Variants in MAPKAP1 observed in about 807,000 individuals in gnomAD.
MAPKAP1 encodes the protein MAPK associated protein 1, also known as target of rapamycin complex 2 subunit MAPKAP1.
MAPKAP1 carries 20 observed loss-of-function variants against 65.7 expected under a neutral mutation model. The observed-to-expected ratio is 0.30, with a 90% CI of 0.21 to 0.44. The LOEUF is 0.44. MAPKAP1 is among the 20% of genes least tolerant of loss of function. MAPKAP1 has a pLI of 1.00. For synonymous variants in MAPKAP1, 222 were observed against 244.3 expected (o/e 0.91, Z 0.85); for missense variants, 423 against 648.0 (o/e 0.65, Z 3.77).
intron 1 of MAPKAP1, among the ~76,000 whole-genome samples, chr9:125,682,959 C>CT (rs5900668): frequency 8.9e-4 from 122 of 137,544 alleles, no homozygotes; most frequent in South Asian, 9.5e-4. Flanking sequence ...ATTTTAAATT[C>CT]TTTTTTTTTT....
At chr9:125,685,138 AAAC>A (rs1834937612) in intron 1 of MAPKAP1, among the ~76,000 whole-genome samples, 2 of 152,084 alleles carry the variant, frequency 1.3e-5, no homozygotes, top group Non-Finnish European at 2.9e-5. Context: ...TAGATGCAGA[AAAC>A]ACAGCAGAGA....
chr9:125,631,096 CAAA>C (rs368052139), intron 4 of MAPKAP1, among the ~76,000 whole-genome samples: 5 of 115,368 alleles, frequency 4.3e-5, no homozygotes, highest in African/African-American at 6.4e-5. Context: ...GATCCTGTCT[CAAA>C]AAAAAAAAAA....
intron 1 of MAPKAP1, among the ~76,000 whole-genome samples, chr9:125,696,969 G>A (rs1835405569): frequency 6.6e-6 from 1 of 152,170 alleles, no homozygotes; most frequent in Admixed American, 6.5e-5. Context: ...CAACTCCACA[G>A]AGATAGGAGT....
chr9:125,695,442 T>C (rs748922930), intron 1 of MAPKAP1, among the ~76,000 whole-genome samples: 6 of 152,240 alleles, frequency 3.9e-5, no homozygotes, highest in Non-Finnish European at 8.8e-5. Context: ...TCAGCTGTCA[T>C]TGCAAAGAGT....
intron 1 of MAPKAP1, among the ~76,000 whole-genome samples, chr9:125,700,818 G>C (rs1835573215): frequency 6.6e-6 from 1 of 152,032 alleles, no homozygotes; most frequent in African/African-American, 2.4e-5. Flanking sequence ...GTGAAAGCTG[G>C]GTATTAAAAT....
In MAPKAP1 at chr9:125,672,475, G is replaced by C; in HGVS notation, c.100C>G (p.His34Asp). 1 of 1,614,136 alleles carries C rather than the reference G, an allele frequency of 6.2e-7. No individual in the cohort carries two copies. The highest frequency in any genetic ancestry group is 1.6e-4 in the Middle Eastern group (1 of 6,062). ...TGMCEMVLIDHDVDLEKIHPP... is the reference protein window; with the variant it reads ...TGMCEMVLIDDDVDLEKIHPP... ...TGAATCTTCTCTAGGTCAACATCAT[G>C]ATCAATGAGAACCATCTCACACATT... Residue 34 changes from histidine to aspartate, a missense_variant, in exon 2 of 12, where the codon CAT becomes GAT. This residue lies in a region of MAPKAP1 where 58 missense variants were observed against 56.9 expected (regional missense o/e 1.02). Coordinates refer to ENST00000265960, the MANE Select transcript of MAPKAP1 (RefSeq NM_001006617.3).
chr9:125,619,616 G>C (rs1832840285), intron 4 of MAPKAP1, among the ~76,000 whole-genome samples: 1 of 151,920 alleles, frequency 6.6e-6, no homozygotes, highest in African/African-American at 2.4e-5. Flanking sequence ...TTAACAGAGA[G>C]AAATCAGGAA....
chr9:125,462,182 G>C (rs1853521817), intron 10 of MAPKAP1, among the ~76,000 whole-genome samples: 1 of 152,190 alleles, frequency 6.6e-6, no homozygotes, highest in Admixed American at 6.5e-5. Flanking sequence ...AAGAAATCAG[G>C]TGGCGAGGAT....
chr9:125,469,923 G>A (rs959159178), intron 9 of MAPKAP1, among the ~76,000 whole-genome samples: 10 of 152,108 alleles, frequency 6.6e-5, no homozygotes, highest in African/African-American at 4.8e-5. Flanking sequence ...CATGGTTGTC[G>A]GGTGTGTGTG....
rs117468097 is a variant in MAPKAP1 at position 125,444,593 on chromosome 9, C to T, written c.1351G>A (p.Ala451Thr). Reference sequence around the variant, plus strand: ...CTTAGATACGTGAGTTTAAATATTGCGTGACCTGCAGAGACAGAAAACTGT... The same window carrying T: ...CTTAGATACGTGAGTTTAAATATTGTGTGACCTGCAGAGACAGAAAACTGT... ...DLAEEKSPSH[A>T]IFKLTYLSNH... Residue 451 changes from alanine (A) to threonine (T), a missense_variant, in exon 11 of 12, where the codon GCA becomes ACA. Coordinates refer to ENST00000265960, the MANE Select transcript of MAPKAP1 (RefSeq NM_001006617.3). 3.1e-4 allele frequency: 504 copies of T among 1,611,370 alleles called. No homozygotes were observed. In the East Asian group the frequency reaches 9.7e-3, roughly 31 times the overall value.
At chr9:125,675,925 T>A (rs145507158) in intron 1 of MAPKAP1, among the ~76,000 whole-genome samples, 2,164 of 152,262 alleles carry the variant, frequency 0.014, 18 homozygotes, top group South Asian at 0.04. Flanking sequence ...GGAACACTAT[T>A]CAACTTATTC....
chr9:125,675,330 G>A (rs550875918), intron 1 of MAPKAP1, among the ~76,000 whole-genome samples: 9 of 152,304 alleles, frequency 5.9e-5, no homozygotes, highest in South Asian at 2.1e-4. Context: ...GCACCAAAAA[G>A]TCAAATGGCA....
intron 4 of MAPKAP1, among the ~76,000 whole-genome samples, chr9:125,626,876 T>C (rs764548599): frequency 2.0e-5 from 3 of 152,258 alleles, no homozygotes; most frequent in African/African-American, 7.2e-5. Flanking sequence ...AGATTTATGA[T>C]GTGTCAGCCA....
chr9:125,481,447 G>C (rs112332274), intron 9 of MAPKAP1, among the ~76,000 whole-genome samples: 2,422 of 152,214 alleles, frequency 0.016, 20 homozygotes, highest in South Asian at 0.042. Flanking sequence ...CTTTGAGACA[G>C]AGTCTAACAC....
At chr9:125,591,685 GA>G (rs34546135) in intron 4 of MAPKAP1, among the ~76,000 whole-genome samples, 1 of 152,144 alleles carries the variant, frequency 6.6e-6, no homozygotes, top group Non-Finnish European at 1.5e-5. Flanking sequence ...ACTGTCTTCT[GA>G]AAAAGCTCAA....
At chr9:125,589,574 A>G (rs1314099669) in intron 4 of MAPKAP1, among the ~76,000 whole-genome samples, 1 of 152,192 alleles carries the variant, frequency 6.6e-6, no homozygotes, top group Non-Finnish European at 1.5e-5. Context: ...GTGAAAGTGG[A>G]GGGACTTGAG....
chr9:125,581,382 T>G (rs1182892414), intron 5 of MAPKAP1, among the ~76,000 whole-genome samples: 1 of 152,250 alleles, frequency 6.6e-6, no homozygotes, highest in Non-Finnish European at 1.5e-5. Flanking sequence ...CACTATTTTT[T>G]ATTTCAGCTG....
chr9:125,669,901 C>G lies in MAPKAP1; in HGVS notation c.266G>C (p.Arg89Thr). 6.7e-7 allele frequency: 1 copy of G among 1,495,742 alleles called. No individual in the cohort carries two copies. The highest frequency in any genetic ancestry group is 9.1e-7 in the Non-Finnish European group (1 of 1,101,752). 92.7% of individuals were successfully genotyped at this position (1,495,742 alleles called of 1,614,324 possible). ...TCTCTCTTTTCGGAGTCGTTCTAAT[C>G]TTTGAGCTTGAAAAGAAATATTATA... Reference protein sequence around the residue: ...GIRRRSNTAQRLERLRKERQN... With the variant: ...GIRRRSNTAQTLERLRKERQN... The change falls in exon 3 of 12, where the codon AGA becomes ACA. Residue 89 changes from arginine (R) to threonine (T), a missense_variant. Physicochemically the swap from Arg to Thr is moderately conservative, Grantham distance 71. Around this residue, in one of 6 missense-constraint regions of MAPKAP1, gnomAD observed 67 missense variants for 69.6 expected, o/e 0.96. Transcript: ENST00000265960.
chr9:125,624,025 G>A (rs1833004262), intron 4 of MAPKAP1, among the ~76,000 whole-genome samples: 1 of 40,186 alleles, frequency 2.5e-5, no homozygotes, highest in African/African-American at 5.8e-5. Flanking sequence ...CCGTCTGGGA[G>A]GGAGGTGGGG....
Sources: gnomAD v4.1 joint callset for allele counts (sites outside exome capture counted in the v4.1 genomes callset) on GRCh38, gnomAD v4.1.1 for gene constraint, gnomAD v4.1.1 regional missense constraint, MANE v1.5 for transcripts, NCBI Gene and HGNC (gene_info 2026-07-23, HGNC 2026-07-21) for gene names.